Variants in SPMIP8 observed in about 807,000 individuals in gnomAD.
The protein encoded by SPMIP8 is sperm microtubule inner protein 8, also known as testicular tissue protein Li 196.
chr16:57,985,046 T>C, the SPMIP8 span: 33,645 of 1,092,910 alleles, frequency 0.031, 643 homozygotes, highest in East Asian at 0.066. Context: ...CCGGGGGCTT[T>C]GCCCTGGTGG....
chr16:57,985,490 CAG>C, the SPMIP8 span: 1 of 1,613,850 alleles, frequency 6.2e-7, no homozygotes, highest in African/African-American at 1.3e-5. Flanking sequence ...AGTACTGCCT[CAG>C]CCAGAACCCC....
At chr16:57,981,395 T>TATTATTATAATAATAATAATA in the SPMIP8 span, among the ~76,000 whole-genome samples, 10 of 127,798 alleles carry the variant, frequency 7.8e-5, no homozygotes, top group African/African-American at 2.8e-4. Flanking sequence ...TAATAATAAT[T>TATTATTATAATAATAATAATA]ATTATTATTA....
chr16:57,984,388 T>TG, the SPMIP8 span: 1 of 1,613,906 alleles, frequency 6.2e-7, no homozygotes, highest in East Asian at 2.2e-5. Context: ...GCCCTGCCCT[T>TG]GGGTTTGCTA....
At chr16:57,986,070 C>A in the SPMIP8 span, 2 of 1,207,366 alleles carry the variant, frequency 1.7e-6, no homozygotes, top group East Asian at 2.7e-5. Context: ...GAGGGGCCCT[C>A]CTGGGAGGGC....
At chr16:57,981,501 CTTTTTTTTTTTTTTTT>C in the SPMIP8 span, among the ~76,000 whole-genome samples, 166 of 68,990 alleles carry the variant, frequency 2.4e-3, no homozygotes, top group African/African-American at 0.011. Flanking sequence ...CTCTCTTTCT[CTTTTTTTTTTTTTTTT>C]TTTTTTTTTT....
At chr16:57,984,455 C>T in the SPMIP8 span, 2 of 1,552,092 alleles carry the variant, frequency 1.3e-6, no homozygotes, top group Admixed American at 1.7e-5. Context: ...CGCACCTTCT[C>T]AGGTGCCTGC....
At chr16:57,981,425 T>TATAATA in the SPMIP8 span, among the ~76,000 whole-genome samples, 82 of 140,770 alleles carry the variant, frequency 5.8e-4, no homozygotes, top group African/African-American at 2.2e-3. Context: ...TTATTATTAT[T>TATAATA]ATTATTATAA....
At chr16:57,985,175 T>G in the SPMIP8 span, 1 of 1,478,958 alleles carries the variant, frequency 6.8e-7, no homozygotes, top group Non-Finnish European at 8.9e-7. Context: ...GGGGGGCGGA[T>G]GAGCGCTCGA....
the SPMIP8 span, chr16:57,986,348 A>G: frequency 5.6e-6 from 1 of 177,816 alleles, no homozygotes; most frequent in Non-Finnish European, 1.2e-5. Flanking sequence ...AAGTAAAGAG[A>G]TAAGATAAGA....
the SPMIP8 span, chr16:57,985,509 G>T: frequency 6.2e-7 from 1 of 1,611,858 alleles, no homozygotes; most frequent in Non-Finnish European, 8.5e-7. Context: ...CCCCAGCCTG[G>T]ACCGCTACGG....
chr16:57,984,806 G>A, the SPMIP8 span: 5 of 1,605,726 alleles, frequency 3.1e-6, no homozygotes, highest in Non-Finnish European at 4.3e-6. Context: ...GCCTGAGGAA[G>A]CGAGGTCAGT....
At chr16:57,984,726 C>T in the SPMIP8 span, 2 of 1,602,844 alleles carry the variant, frequency 1.2e-6, no homozygotes, top group Non-Finnish European at 8.5e-7. Context: ...AGTGGACTGG[C>T]CCTGCTTCAC....
At chr16:57,986,028 AC>A in the SPMIP8 span, 20 of 1,473,170 alleles carry the variant, frequency 1.4e-5, no homozygotes, top group South Asian at 9.5e-5. Flanking sequence ...TGACTCTGAA[AC>A]CCCCCTGCCC....
chr16:57,985,373 T>G, the SPMIP8 span: 1 of 1,596,558 alleles, frequency 6.3e-7, no homozygotes, highest in Non-Finnish European at 8.5e-7. Flanking sequence ...GAGCAGGGCC[T>G]CCCAGTCTTC....
At chr16:57,985,592 G>A in the SPMIP8 span, 2 of 1,553,014 alleles carry the variant, frequency 1.3e-6, no homozygotes, top group Non-Finnish European at 8.7e-7. Flanking sequence ...GGAGGAGGGA[G>A]GATGAGGTCT....
At chr16:57,985,765 TGGA>T in the SPMIP8 span, 1 of 1,204,308 alleles carries the variant, frequency 8.3e-7, no homozygotes. Context: ...CCTTGCGGAG[TGGA>T]GGCGTTCGCA....
chr16:57,985,201 C>A, the SPMIP8 span: 68 of 1,523,468 alleles, frequency 4.5e-5, 1 homozygote, highest in South Asian at 8.2e-4. Context: ...GCTTTCTGTT[C>A]GCAGCGGAGG....
the SPMIP8 span, among the ~76,000 whole-genome samples, chr16:57,979,698 G>C: frequency 2.6e-5 from 4 of 151,674 alleles, no homozygotes; most frequent in South Asian, 8.3e-4. Flanking sequence ...GTCTCTCCCT[G>C]GTTTACTAAT....
At chr16:57,977,587 A>G in the SPMIP8 span, among the ~76,000 whole-genome samples, 96,853 of 132,628 alleles carry the variant, frequency 0.73, 33,056 homozygotes, top group Non-Finnish European at 0.78. Context: ...GTGTGTGTGT[A>G]TGTGTGTGTT....
Sources: gnomAD v4.1 joint callset for allele counts (sites outside exome capture counted in the v4.1 genomes callset) on GRCh38, gnomAD v4.1.1 for gene constraint, MANE v1.5 for transcripts, NCBI Gene and HGNC (gene_info 2026-07-23, HGNC 2026-07-21) for gene names.